The following ATAD5 variants were observed in gnomAD, a reference collection of about 807,000 sequenced individuals.
The protein encoded by ATAD5 is ATPase family AAA domain-containing protein 5.
In ATAD5, 58 loss-of-function variants were observed where a neutral mutation model predicts 176.9. That is an observed-to-expected ratio of 0.33 (90% CI 0.27 to 0.41). The LOEUF (loss-of-function observed/expected upper bound fraction) is 0.41. Among genes scored for constraint, ATAD5 ranks in the 10% least tolerant of loss-of-function variants. ATAD5 has a pLI of 1.00. For synonymous variants in ATAD5, 640 were observed against 712.6 expected (o/e 0.90, Z 1.62); for missense variants, 1,789 against 2,094.1 (o/e 0.85, Z 2.84).
At position 30,834,933 on chromosome 17, in the gene ATAD5, C is replaced by T. The variant is rs1354362191; in HGVS notation, c.852C>T (p.Asp284=). The change falls in exon 2 of 23, where the codon GAC becomes GAT. Residue 284 remains aspartate, a synonymous_variant. Transcript: ENST00000321990. ...HKENKVEEIP[D]STMSICVPSE... ...AAAATAAAGTGGAAGAGATACCAGA[C>T]TCTACAATGTCAATTTGTGTTCCTT... The T allele has an allele frequency of 6.2e-7, 1 of 1,611,500 alleles. No homozygotes were observed. The highest frequency in any genetic ancestry group is 1.1e-5 in the South Asian group (1 of 90,690).
Position 30,835,203 on chromosome 17 carries a change from G to T in ATAD5, c.1122G>T (p.Gln374His). The change falls in exon 2 of 23, where the codon CAG becomes CAT. Residue 374 changes from glutamine to histidine, a missense_variant. Gln to His is a conservative substitution (Grantham distance 24, BLOSUM62 0). Around this residue, in one of 6 missense-constraint regions of ATAD5, gnomAD observed 696 missense variants for 712.5 expected, o/e 0.98. Coordinates refer to ENST00000321990, the MANE Select transcript of ATAD5 (RefSeq NM_024857.5). ...AAAGAAAATCTAATGTTGTTATACA[G>T]GAGGAAGAATTAGAATTGGCTGTTT... ...VQKRKSNVVI[Q>H]EEELELAVLE... 6.2e-7 allele frequency: 1 copy of T among 1,613,998 alleles called. No individual in the cohort carries two copies.
chr17:30,878,727 T>TTTTTG (rs1908826588), intron 17 of ATAD5, among the ~76,000 whole-genome samples: 1 of 94,398 alleles, frequency 1.1e-5, no homozygotes, highest in Non-Finnish European at 2.2e-5. Flanking sequence ...TGTTTTTTTT[T>TTTTTG]TTTTTTTTTT....
At chr17:30,845,024 T>A in intron 6 of ATAD5, 108 bp downstream of exon 6, 1 of 1,017,470 alleles carries the variant, frequency 9.8e-7, no homozygotes, top group Non-Finnish European at 1.4e-6. Context: ...GAAGCTCTAG[T>A]AAGTCCAGTT....
At chr17:30,874,709 C>T (rs1420038041) in intron 14 of ATAD5, among the ~76,000 whole-genome samples, 1 of 150,956 alleles carries the variant, frequency 6.6e-6, no homozygotes, top group Non-Finnish European at 1.5e-5. Flanking sequence ...CAGCTCACTG[C>T]AACCTCCACC....
In ATAD5 at chr17:30,840,658, G is replaced by T; in HGVS notation, c.2118G>T (p.Leu706Phe). Residue 706 changes from leucine (L) to phenylalanine (F), a missense_variant, in exon 4 of 23, where the codon TTG becomes TTT. Leu to Phe is a conservative substitution (Grantham distance 22, BLOSUM62 0). This residue lies in a region of ATAD5 where 487 missense variants were observed against 573.6 expected (regional missense o/e 0.85). Transcript: ENST00000321990. Reference sequence around the variant, plus strand: ...AAAACATATCAAAAGCAAAACAATTGATTGAAAAAGCAAAAGCTTTACACA... The same window carrying T: ...AAAACATATCAAAAGCAAAACAATTTATTGAAAAAGCAAAAGCTTTACACA... The part of the protein sequence containing the change: ...TSKNISKAKQ[L>F]IEKAKALHIS... 1 of 1,581,388 alleles carries T rather than the reference G, an allele frequency of 6.3e-7. No individual in the cohort carries two copies. Among genetic ancestry groups the T allele is most frequent in the South Asian group, 1.2e-5 (1 of 83,450 alleles).
At chr17:30,841,195 G>A (rs919000746) in intron 4 of ATAD5, among the ~76,000 whole-genome samples, 2 of 152,056 alleles carry the variant, frequency 1.3e-5, no homozygotes, top group African/African-American at 2.4e-5. Flanking sequence ...TTTTGGTAGA[G>A]ACAGGGTTTC....
intron 10 of ATAD5, among the ~76,000 whole-genome samples, chr17:30,861,524 A>T (rs1265356563): frequency 1.3e-5 from 2 of 151,748 alleles, no homozygotes; most frequent in East Asian, 3.9e-4. Flanking sequence ...ATGTGCTTTT[A>T]TTTTTTTATT....
intron 19 of ATAD5, among the ~76,000 whole-genome samples, chr17:30,887,831 T>A (rs759962793): frequency 3.3e-5 from 5 of 151,598 alleles, no homozygotes; most frequent in East Asian, 1.9e-4. Flanking sequence ...AAAGAAAAAA[T>A]TATTTATTTA....
chr17:30,848,306 C>T (rs886256444), intron 6 of ATAD5, among the ~76,000 whole-genome samples: 15 of 151,576 alleles, frequency 9.9e-5, no homozygotes, highest in Non-Finnish European at 1.6e-4. Context: ...AGTATAGTGG[C>T]GCAATTACAG....
intron 10 of ATAD5, chr17:30,864,666 C>T (rs1907866492): frequency 6.6e-6 from 1 of 152,220 alleles, no homozygotes; most frequent in South Asian, 2.1e-4. Flanking sequence ...ATGTGGCCTC[C>T]AGTGTCTTTT....
At position 30,855,195 on chromosome 17, in the gene ATAD5, C is replaced by G. The variant is rs143854673; in HGVS notation, c.2503C>G (p.Arg835Gly). 6.2e-7 allele frequency: 1 copy of G among 1,613,572 alleles called. No homozygotes were observed. Among genetic ancestry groups the G allele is most frequent in the Admixed American group, 1.7e-5 (1 of 59,836 alleles). The change falls in exon 7 of 23, where the codon CGT becomes GGT. Residue 835 changes from arginine to glycine, a missense_variant. Around this residue, in one of 6 missense-constraint regions of ATAD5, gnomAD observed 487 missense variants for 573.6 expected, o/e 0.85. Transcript: ENST00000321990. ...QDCDVQCKAK[R>G]DFLMSGLPDL... is the part of the protein sequence containing the mutation. ...TTGTGATGTTCAATGTAAAGCAAAG[C>G]GTGACTTCCTAATGAGTGGTTTGCC... is the stretch of plus-strand genomic sequence containing the variant.
chr17:30,894,152 T>A lies in ATAD5; in HGVS notation c.5297+2T>A. The stretch of plus-strand genomic sequence containing the variant: ...TAGTCAGTCAGCAGCTAATTTAGAG[T>A]AAGTCTTACTTCCTTTACTTTTTAT... On this transcript the variant is annotated splice_donor_variant, in intron 21 of 22. Coordinates refer to ENST00000321990, the MANE Select transcript of ATAD5 (RefSeq NM_024857.5). LOFTEE classifies it high-confidence loss of function. 6.5e-7 allele frequency: 1 copy of A among 1,537,586 alleles called. No homozygotes were observed.
chr17:30,835,259 C>T lies in ATAD5; in HGVS notation c.1178C>T (p.Pro393Leu), dbSNP rs762445169. 1 of 1,613,936 alleles carries T rather than the reference C, an allele frequency of 6.2e-7. No individual in the cohort carries two copies. The highest frequency in any genetic ancestry group is 2.2e-5 in the East Asian group (1 of 44,872). ...LEAGSSEAVK[P>L]KCTLEERQQF... ...GCTGGAAGTTCTGAAGCTGTGAAACCAAAATGCACTCTAGAAGAAAGACAG... is the reference window on the plus strand; with the variant it reads ...GCTGGAAGTTCTGAAGCTGTGAAACTAAAATGCACTCTAGAAGAAAGACAG... The change falls in exon 2 of 23, where the codon CCA becomes CTA. Residue 393 changes from proline to leucine, a missense_variant. Around this residue, in one of 6 missense-constraint regions of ATAD5, gnomAD observed 696 missense variants for 712.5 expected, o/e 0.98. Transcript: ENST00000321990.
Position 30,868,393 on chromosome 17 carries a change from AAG to A in ATAD5, c.3298_3299del (p.Asp1100Ter). 1.9e-6 allele frequency: 3 copies of A among 1,573,608 alleles called. No homozygotes were observed. The highest frequency in any genetic ancestry group is 1.4e-5 in the African/African-American group (1 of 72,944). On this transcript the variant is annotated frameshift_variant, in exon 12 of 23. Coordinates refer to ENST00000321990, the MANE Select transcript of ATAD5 (RefSeq NM_024857.5). LOFTEE classifies it high-confidence loss of function. ...AAGAAAGGCAGAATCTGAAGGGAAA[AAG>A]AGATGAGAAACATGAAGGTATTTTG... ...LEERQNLKGK[R>X]DEKHEDFSGG...
At chr17:30,847,789 G>A (rs1401801367) in intron 6 of ATAD5, among the ~76,000 whole-genome samples, 1 of 140,872 alleles carries the variant, frequency 7.1e-6, no homozygotes, top group African/African-American at 2.6e-5. Context: ...GCACAGTCTA[G>A]GCTCACTGTA....
At chr17:30,858,657 A>AT (rs1224184999) in intron 9 of ATAD5, among the ~76,000 whole-genome samples, 10 of 151,964 alleles carry the variant, frequency 6.6e-5, no homozygotes, top group African/African-American at 2.4e-4. Flanking sequence ...AAATGCTGGG[A>AT]TTACAGGCAT....
chr17:30,874,907 G>T lies in ATAD5; in HGVS notation c.3608-1467G>T, dbSNP rs568406037. ...GCCCCCCAAAGTGCTGAGATTACAG[G>T]CGTGAGCCACTGTGCCCTGCCAAAT... On this transcript the variant is annotated intron_variant, in intron 14 of 22. Coordinates refer to ENST00000321990, the MANE Select transcript of ATAD5 (RefSeq NM_024857.5). Among the ~76,000 whole-genome samples, 48 of 152,170 alleles carry T rather than the reference G, an allele frequency of 3.2e-4. 1 individual carries two copies. The highest frequency in any genetic ancestry group is 6.0e-4 in the Non-Finnish European group (41 of 67,990).
intron 14 of ATAD5, among the ~76,000 whole-genome samples, chr17:30,870,773 T>A (rs956028004): frequency 3.3e-5 from 5 of 152,240 alleles, no homozygotes; most frequent in South Asian, 4.1e-4. Context: ...TCATGGATTT[T>A]TATATATATA....
intron 9 of ATAD5, among the ~76,000 whole-genome samples, chr17:30,859,025 C>T (rs1459634716): frequency 6.6e-6 from 1 of 152,124 alleles, no homozygotes; most frequent in East Asian, 1.9e-4. Context: ...CATGAGTCAC[C>T]ACGCCCAGCC....
Sources: allele counts gnomAD v4.1 joint callset (sites outside exome capture counted in the v4.1 genomes callset), GRCh38; gene constraint gnomAD v4.1.1; regional missense constraint gnomAD v4.1.1; transcripts MANE v1.5; gene names NCBI Gene and HGNC (gene_info 2026-07-23, HGNC 2026-07-21).